Variants in C12orf42 observed in about 807,000 individuals in gnomAD.
C12orf42 encodes the protein uncharacterized protein C12orf42.
A neutral mutation model predicts 21.6 loss-of-function variants in C12orf42; 25 were observed. The ratio of observed to expected loss-of-function variants is 1.16; its 90% confidence interval spans 0.84 to 1.62. C12orf42 has a LOEUF of 1.62. Among genes scored for constraint, C12orf42 ranks in the 40% most tolerant of loss-of-function variants. The probability of loss-of-function intolerance (pLI) is 0.00; values close to 1 mark genes in which losing one functional copy is unlikely to be tolerated. For synonymous variants in C12orf42, 174 were observed against 175.0 expected (o/e 0.99, Z 0.05); for missense variants, 483 against 459.3 (o/e 1.05, Z -0.47).
At chr12:103,295,807 A>G (rs1336638075) in intron 4 of C12orf42, among the ~76,000 whole-genome samples, 1 of 152,124 alleles carries the variant, frequency 6.6e-6, no homozygotes, top group East Asian at 1.9e-4. Context: ...TTTATAGCAA[A>G]TTTCGTCCCC....
At chr12:103,401,819 C>G in intron 2 of C12orf42, 144 bp from the exon 3 acceptor site, 1 of 746,850 alleles carries the variant, frequency 1.3e-6, no homozygotes, top group South Asian at 1.7e-5. Context: ...CCGATATTGC[C>G]CACAACACTG....
the C12orf42 span, among the ~76,000 whole-genome samples, chr12:103,123,929 C>T: frequency 1.3e-5 from 2 of 151,930 alleles, no homozygotes; most frequent in Non-Finnish European, 2.9e-5. Context: ...CTTTCCCAGA[C>T]ATTAAGCCAT....
chr12:103,451,789 T>C (rs1296463783), intron 2 of C12orf42, among the ~76,000 whole-genome samples: 2 of 152,000 alleles, frequency 1.3e-5, no homozygotes, highest in Non-Finnish European at 2.9e-5. Context: ...TTATCCAGCC[T>C]CCAATAACAA....
At position 103,253,600 on chromosome 12, in the gene C12orf42, C is replaced by G. The variant is rs190862404; in HGVS notation, c.*1366+9726G>C. Among the ~76,000 whole-genome samples, 139 of 152,178 alleles carry G rather than the reference C, an allele frequency of 9.1e-4. 1 individual carries two copies. Among genetic ancestry groups the G allele is most frequent in the African/African-American group, 3.2e-3 (133 of 41,512 alleles). ...ATGGGACTTCACTCATGATTTGGCT[C>G]TCTGCTTGTCTACATTTGGTGTATA... On this transcript the variant is annotated intron_variant and NMD_transcript_variant, in intron 10 of 10. Transcript: ENST00000547347.
intron 2 of C12orf42, among the ~76,000 whole-genome samples, chr12:103,443,885 G>C (rs2137350091): frequency 6.6e-6 from 1 of 152,194 alleles, no homozygotes; most frequent in East Asian, 1.9e-4. Context: ...GTGACACTAA[G>C]TCCTCGAAAC....
chr12:103,391,161 T>TTATATA (rs143705802), intron 3 of C12orf42, among the ~76,000 whole-genome samples: 3 of 150,606 alleles, frequency 2.0e-5, no homozygotes, highest in African/African-American at 7.3e-5. Context: ...ATATTCGGTT[T>TTATATA]TATATATATA....
chr12:103,385,474 T>C lies in C12orf42; in HGVS notation c.147+16133A>G, dbSNP rs79445106. Among the ~76,000 whole-genome samples, 1,382 of 152,336 alleles carry C rather than the reference T, an allele frequency of 9.1e-3. 107 individuals are homozygous for C. The East Asian group carries it at 0.18, about 19-fold the overall frequency. The stretch of plus-strand genomic sequence containing the variant: ...TTATGATGAGTAATGAATCCAGATA[T>C]GGTCTTCCTTGAGATGTACTTATTC... On this transcript the variant is annotated intron_variant, in intron 3 of 5. Coordinates refer to ENST00000548883, the MANE Select transcript of C12orf42 (RefSeq NM_198521.5).
At chr12:103,133,610 C>T in the C12orf42 span, among the ~76,000 whole-genome samples, 2 of 151,960 alleles carry the variant, frequency 1.3e-5, no homozygotes, top group Non-Finnish European at 2.9e-5. Flanking sequence ...ATACCACTGA[C>T]ATTGTTTACA....
At chr12:103,482,142 T>A (rs982525218) in intron 1 of C12orf42, among the ~76,000 whole-genome samples, 12 of 152,146 alleles carry the variant, frequency 7.9e-5, no homozygotes, top group African/African-American at 2.9e-4. Context: ...CACATACTTA[T>A]CAATATGTTT....
chr12:103,500,403 T>A (rs996733189), upstream of C12orf42, among the ~76,000 whole-genome samples: 16 of 152,230 alleles, frequency 1.1e-4, no homozygotes, highest in African/African-American at 3.9e-4. Flanking sequence ...AATTATTCAG[T>A]ACCCACTTAC....
At chr12:103,332,387 G>A (rs1164029634) in intron 4 of C12orf42, among the ~76,000 whole-genome samples, 2 of 152,152 alleles carry the variant, frequency 1.3e-5, no homozygotes, top group Non-Finnish European at 2.9e-5. Context: ...CAATTTCTTA[G>A]ACAGTGAAGT....
At chr12:103,117,623 G>T in the C12orf42 span, among the ~76,000 whole-genome samples, 1 of 152,194 alleles carries the variant, frequency 6.6e-6, no homozygotes, top group Admixed American at 6.5e-5. Context: ...GTTGCTATCT[G>T]CATCTGCAGG....
At chr12:103,168,298 T>A in the C12orf42 span, 1 of 280,086 alleles carries the variant, frequency 3.6e-6, no homozygotes, top group Non-Finnish European at 7.1e-6. Context: ...TGACTCAGTT[T>A]TTCCCCTCAA....
intron 4 of C12orf42, among the ~76,000 whole-genome samples, chr12:103,330,281 C>T (rs1176805963): frequency 1.3e-5 from 2 of 152,094 alleles, no homozygotes; most frequent in African/African-American, 4.8e-5. Flanking sequence ...GGATGTGGCT[C>T]TTGGTTTTAG....
At chr12:103,470,629 A>T (rs554176408) in intron 2 of C12orf42, among the ~76,000 whole-genome samples, 129 of 152,288 alleles carry the variant, frequency 8.5e-4, no homozygotes, top group Middle Eastern at 6.8e-3. Flanking sequence ...AGAGTATGGA[A>T]GTGGTGCTAT....
chr12:103,420,462 T>G (rs922504296), intron 2 of C12orf42, among the ~76,000 whole-genome samples: 2 of 152,204 alleles, frequency 1.3e-5, no homozygotes, highest in Non-Finnish European at 2.9e-5. Flanking sequence ...TCTGTATCCC[T>G]TTACTGCTCA....
chr12:103,257,294 C>A (rs1172456593), intron 10 of C12orf42, among the ~76,000 whole-genome samples: 1 of 151,926 alleles, frequency 6.6e-6, no homozygotes, highest in African/African-American at 2.4e-5. Flanking sequence ...TATAACAAAC[C>A]CCTATGATGC....
At chr12:103,061,916 C>T in the C12orf42 span, among the ~76,000 whole-genome samples, 3 of 151,756 alleles carry the variant, frequency 2.0e-5, no homozygotes, top group Admixed American at 1.3e-4. Flanking sequence ...TCCTTTCTCT[C>T]ATTCTTATTT....
chr12:103,547,720 C>T, the C12orf42 span: 1 of 152,176 alleles, frequency 6.6e-6, no homozygotes, highest in Non-Finnish European at 1.5e-5. Context: ...CCAAACTCTC[C>T]AATTTCAGTG....
Sources: gnomAD v4.1 joint callset for allele counts (sites outside exome capture counted in the v4.1 genomes callset) on GRCh38, gnomAD v4.1.1 for gene constraint, MANE v1.5 for transcripts, NCBI Gene and HGNC (gene_info 2026-07-23, HGNC 2026-07-21) for gene names.